Variants in CHRDL1 observed in about 807,000 individuals in gnomAD.
CHRDL1 encodes the protein chordin-like protein 1.
In CHRDL1, 19 loss-of-function variants were observed where a neutral mutation model predicts 40.9. The observed-to-expected ratio is 0.46, with a 90% CI of 0.32 to 0.68. CHRDL1 has a LOEUF of 0.68. Among genes scored for constraint, CHRDL1 ranks in the 30% least tolerant of loss-of-function variants. CHRDL1 has a pLI of 0.03. For missense variants in CHRDL1, 329 were observed against 352.1 expected, an observed-to-expected ratio of 0.93 and a Z score of 0.53; for synonymous variants, 136 against 123.4, an observed-to-expected ratio of 1.10 and a Z score of -0.68.
intron 4 of CHRDL1, among the ~76,000 whole-genome samples, chrX:110,744,979 A>G (rs2071424652): frequency 9.1e-6 from 1 of 109,535 alleles, no homozygotes; most frequent in Non-Finnish European, 1.9e-5. Context: ...ACACACACAC[A>G]CACACACACA....
At chrX:110,676,510 A>C (rs2069781227) in intron 11 of CHRDL1, 149 bp from the exon 12 acceptor site, 1 of 483,576 alleles carries the variant, frequency 2.1e-6, no homozygotes, top group Non-Finnish European at 3.3e-6. Context: ...GTTTCAAAAA[A>C]TGGCCCCAAA....
At chrX:110,715,036 C>T (rs197029) in intron 6 of CHRDL1, among the ~76,000 whole-genome samples, 10,619 of 110,959 alleles carry the variant, frequency 0.096, 1,250 homozygotes, top group African/African-American at 0.33. Flanking sequence ...ACAATTTTTA[C>T]AAAAGTGTAG....
chrX:110,703,461 A>G (rs750161072), intron 6 of CHRDL1, among the ~76,000 whole-genome samples: 1 of 112,042 alleles, frequency 8.9e-6, no homozygotes, highest in African/African-American at 3.2e-5. Context: ...AACAAAGATG[A>G]TTTCAACTAT....
chrX:110,706,048 A>G (rs955859736), intron 6 of CHRDL1, among the ~76,000 whole-genome samples: 7 of 111,150 alleles, frequency 6.3e-5, no homozygotes, highest in African/African-American at 2.3e-4. Context: ...ATAAGGCTAT[A>G]AGTGGTTCTC....
At chrX:110,718,276 A>G (rs770301754) in intron 6 of CHRDL1, among the ~76,000 whole-genome samples, 1 of 111,710 alleles carries the variant, frequency 9.0e-6, no homozygotes, top group African/African-American at 3.2e-5. Context: ...AAAGAGTACT[A>G]CCCTAACCAT....
At chrX:110,737,701 C>T (rs2071286836) in intron 4 of CHRDL1, among the ~76,000 whole-genome samples, 2 of 112,035 alleles carry the variant, frequency 1.8e-5, no homozygotes, top group African/African-American at 6.5e-5. Context: ...CCTGAGTCCA[C>T]ACCCCAGGGA....
intron 9 of CHRDL1, among the ~76,000 whole-genome samples, chrX:110,688,222 G>A (rs978504587): frequency 9.0e-6 from 1 of 110,715 alleles, no homozygotes; most frequent in Admixed American, 9.7e-5. Flanking sequence ...CCTGCCTCTC[G>A]TCCTGTCTTA....
intron 2 of CHRDL1, among the ~76,000 whole-genome samples, chrX:110,775,239 T>C (rs2089833497): frequency 9.0e-6 from 1 of 111,284 alleles, no homozygotes; most frequent in Non-Finnish European, 1.9e-5. Context: ...AGCTGGTAGG[T>C]TTGAAGTGTT....
chrX:110,749,660 A>AC (rs1208210795), intron 4 of CHRDL1, among the ~76,000 whole-genome samples: 2 of 111,669 alleles, frequency 1.8e-5, no homozygotes, highest in Non-Finnish European at 3.8e-5. Context: ...AATAACTGAC[A>AC]CCCTAAGTCT....
chrX:110,685,575 T>A (rs966127554), intron 9 of CHRDL1, among the ~76,000 whole-genome samples: 2 of 112,175 alleles, frequency 1.8e-5, no homozygotes, highest in Admixed American at 9.5e-5. Context: ...CGCTTTCTTT[T>A]TTAACACAAA....
intron 4 of CHRDL1, among the ~76,000 whole-genome samples, chrX:110,744,603 T>C (rs1349431047): frequency 2.7e-5 from 3 of 111,440 alleles, no homozygotes; most frequent in Non-Finnish European, 5.7e-5. Context: ...ATATATACAG[T>C]GTAATGCTAT....
intron 8 of CHRDL1, among the ~76,000 whole-genome samples, chrX:110,689,072 G>GTATA (rs758293619): frequency 0.013 from 418 of 31,005 alleles, 9 homozygotes; most frequent in Admixed American, 0.023. Context: ...ATATATATAT[G>GTATA]TATATATATA....
At chrX:110,765,244 G>A (rs909501055) in intron 2 of CHRDL1, among the ~76,000 whole-genome samples, 35 of 111,366 alleles carry the variant, frequency 3.1e-4, no homozygotes, top group Admixed American at 2.0e-3. Context: ...CCATCCTACC[G>A]ATATGTGATT....
intron 6 of CHRDL1, among the ~76,000 whole-genome samples, chrX:110,719,018 A>G (rs1207978388): frequency 8.9e-6 from 1 of 111,736 alleles, no homozygotes; most frequent in African/African-American, 3.3e-5. Flanking sequence ...GTCTAGCACC[A>G]CCCTATATAT....
At chrX:110,705,364 CAT>C (rs1380762982) in intron 6 of CHRDL1, among the ~76,000 whole-genome samples, 3 of 2,399 alleles carry the variant, frequency 1.3e-3, no homozygotes, top group South Asian at 0.038. Flanking sequence ...TACACACACA[CAT>C]ATATATATAC....
chrX:110,677,479 T>C (rs2069803005), intron 11 of CHRDL1, among the ~76,000 whole-genome samples: 1 of 111,633 alleles, frequency 9.0e-6, no homozygotes, highest in Admixed American at 9.5e-5. Context: ...TCTACTCCAT[T>C]ATATACCCCA....
intron 6 of CHRDL1, among the ~76,000 whole-genome samples, chrX:110,717,089 T>A (rs2070856830): frequency 8.9e-6 from 1 of 111,796 alleles, no homozygotes; most frequent in South Asian, 3.7e-4. Flanking sequence ...TGGTTCCAGG[T>A]TATCTACATG....
intron 11 of CHRDL1, among the ~76,000 whole-genome samples, 166 bp downstream of exon 11, chrX:110,679,169 AC>A (rs1257664138): frequency 8.9e-6 from 1 of 111,889 alleles, no homozygotes; most frequent in Non-Finnish European, 1.9e-5. Context: ...ACATTCAGAC[AC>A]CCCATTCACT....
chrX:110,742,824 G>A (rs952114676), intron 4 of CHRDL1, among the ~76,000 whole-genome samples: 5 of 111,222 alleles, frequency 4.5e-5, no homozygotes, highest in Admixed American at 9.5e-5. Context: ...TATGGGGAGA[G>A]GCAGCTGAAA....
Sources: gnomAD v4.1 joint callset for allele counts (sites outside exome capture counted in the v4.1 genomes callset) on GRCh38, gnomAD v4.1.1 for gene constraint, MANE v1.5 for transcripts, NCBI Gene and HGNC (gene_info 2026-07-23, HGNC 2026-07-21) for gene names.